Variants in TEX9 observed in about 807,000 individuals in gnomAD.
TEX9 encodes the protein testis expressed 9, also known as testis-expressed protein 9.
In TEX9, 74 loss-of-function variants were observed where a neutral mutation model predicts 59.6. The ratio of observed to expected loss-of-function variants is 1.24; its 90% confidence interval spans 1.03 to 1.51. TEX9 has a LOEUF of 1.51. Among genes scored for constraint, TEX9 ranks in the 40% most tolerant of loss-of-function variants. The probability of loss-of-function intolerance (pLI) is 0.00; values close to 1 mark genes in which losing one functional copy is unlikely to be tolerated. For synonymous variants in TEX9, 186 were observed against 152.2 expected (o/e 1.22, Z -1.64); for missense variants, 522 against 447.8 (o/e 1.17, Z -1.49).
At chr15:56,416,000 T>C (rs114286359) in intron 10 of TEX9, among the ~76,000 whole-genome samples, 8,918 of 151,774 alleles carry the variant, frequency 0.059, 705 homozygotes, top group East Asian at 0.37. Flanking sequence ...GGGGATGGGA[T>C]TGCTTTTCTG....
intron 3 of TEX9, among the ~76,000 whole-genome samples, chr15:56,380,302 C>G (rs1348885482): frequency 6.6e-6 from 1 of 152,130 alleles, no homozygotes; most frequent in East Asian, 1.9e-4. Flanking sequence ...AAAACTAATA[C>G]AAACTCTACA....
intron 1 of TEX9, among the ~76,000 whole-genome samples, chr15:56,275,123 A>C (rs1422781069): frequency 6.6e-6 from 1 of 151,638 alleles, no homozygotes; most frequent in Non-Finnish European, 1.5e-5. Flanking sequence ...TAATCCTTTC[A>C]CTCCAGTACT....
intron 12 of TEX9, chr15:56,443,861 A>G: frequency 8.9e-6 from 14 of 1,579,668 alleles, no homozygotes; most frequent in Non-Finnish European, 1.2e-5. Context: ...TTCCCTGAAA[A>G]GCAATAACAA....
intron 6 of TEX9, 57 bp downstream of exon 6, chr15:56,389,457 A>G: frequency 8.2e-7 from 1 of 1,217,432 alleles, no homozygotes; most frequent in Non-Finnish European, 1.2e-6. Context: ...TCACAATACC[A>G]TCATTCTTAA....
At chr15:56,375,656 G>A (rs1246653948) in intron 3 of TEX9, among the ~76,000 whole-genome samples, 4 of 152,086 alleles carry the variant, frequency 2.6e-5, no homozygotes, top group South Asian at 2.1e-4. Context: ...TAGGTGTAAC[G>A]TTTAAGTCTT....
rs899492635 is a variant in TEX9, at chr15:56,410,701, G to A, written c.829-1601G>A. On this transcript the variant is annotated intron_variant, in intron 9 of 12. Transcript: ENST00000352903. Reference sequence around the variant, plus strand: ...GGATAGGGGACATCATGTGGTACAGGATGGTTTTCATTTTCCTGTGAAATA... The same window carrying A: ...GGATAGGGGACATCATGTGGTACAGAATGGTTTTCATTTTCCTGTGAAATA... 2.0e-5 allele frequency among the ~76,000 whole-genome samples: 3 copies of A among 152,190 alleles called. No homozygotes were observed. The East Asian group carries it at 5.8e-4, about 29-fold the overall frequency.
chr15:56,401,969 C>T (rs111634438), intron 9 of TEX9, among the ~76,000 whole-genome samples: 1 of 152,130 alleles, frequency 6.6e-6, no homozygotes, highest in African/African-American at 2.4e-5. Context: ...ATCTCTGAGA[C>T]ACATTTAAAG....
At chr15:56,436,497 A>G (rs1049657239) in intron 12 of TEX9, among the ~76,000 whole-genome samples, 2 of 152,092 alleles carry the variant, frequency 1.3e-5, no homozygotes, top group South Asian at 2.1e-4. Context: ...GCCCACAAGA[A>G]AAATCAGGAA....
chr15:56,307,672 C>T (rs1181969656), intron 1 of TEX9, among the ~76,000 whole-genome samples: 1 of 152,138 alleles, frequency 6.6e-6, no homozygotes, highest in African/African-American at 2.4e-5. Context: ...TCACCAAGGT[C>T]TAATTTTAGG....
intron 2 of TEX9, among the ~76,000 whole-genome samples, chr15:56,368,419 G>A (rs4774854): frequency 0.3 from 45,625 of 151,866 alleles, 7,718 homozygotes; most frequent in Middle Eastern, 0.47. Flanking sequence ...TTTGATATCA[G>A]TATCATTCTG....
intron 1 of TEX9, among the ~76,000 whole-genome samples, chr15:56,331,494 G>C (rs1286475393): frequency 1.3e-5 from 2 of 151,888 alleles, no homozygotes; most frequent in Non-Finnish European, 2.9e-5. Flanking sequence ...ATCAATAAGA[G>C]GAAGAATTTT....
intron 10 of TEX9, among the ~76,000 whole-genome samples, chr15:56,412,649 T>C (rs907692684): frequency 1.3e-5 from 2 of 152,184 alleles, no homozygotes; most frequent in African/African-American, 4.8e-5. Flanking sequence ...GCACAACTCT[T>C]TGGAAGATTG....
intron 1 of TEX9, among the ~76,000 whole-genome samples, chr15:56,317,857 T>C (rs1317933543): frequency 6.6e-6 from 1 of 152,200 alleles, no homozygotes; most frequent in South Asian, 2.1e-4. Flanking sequence ...TTTTATTCAA[T>C]TTTTGTTGGA....
intron 2 of TEX9, 77 bp from the exon 3 acceptor site, chr15:56,373,364 A>G: frequency 1.5e-6 from 2 of 1,365,758 alleles, no homozygotes; most frequent in Non-Finnish European, 2.0e-6. Flanking sequence ...ACGTCACTTG[A>G]TAACGTGTAA....
intron 1 of TEX9, among the ~76,000 whole-genome samples, chr15:56,282,609 A>G (rs1158561885): frequency 6.6e-6 from 1 of 152,172 alleles, no homozygotes; most frequent in Non-Finnish European, 1.5e-5. Flanking sequence ...TGTGACTTTT[A>G]TTAAAACACT....
intron 1 of TEX9, among the ~76,000 whole-genome samples, chr15:56,345,739 A>C (rs1333802474): frequency 6.6e-6 from 1 of 152,258 alleles, no homozygotes; most frequent in Non-Finnish European, 1.5e-5. Flanking sequence ...AGTGTGACCC[A>C]GATTATGGTG....
At chr15:56,424,104 A>G (rs767167216) in intron 10 of TEX9, among the ~76,000 whole-genome samples, 2 of 152,120 alleles carry the variant, frequency 1.3e-5, no homozygotes, top group South Asian at 2.1e-4. Context: ...TACTTTTACT[A>G]TAGAGTAGTC....
At chr15:56,409,121 G>A (rs1050984954) in intron 9 of TEX9, among the ~76,000 whole-genome samples, 3 of 152,036 alleles carry the variant, frequency 2.0e-5, no homozygotes, top group African/African-American at 4.8e-5. Flanking sequence ...GCGTGAACCC[G>A]GGAGGCGGTG....
At position 56,373,749 on chromosome 15, in the gene TEX9, CTAAATTCTCATTA is replaced by C. The variant is rs1376597659; in HGVS notation, c.183+260_183+272del. 2.6e-5 allele frequency among the ~76,000 whole-genome samples: 4 copies of C among 152,236 alleles called. No homozygotes were observed. In the East Asian group the frequency reaches 5.8e-4, roughly 22 times the overall value. On this transcript the variant is annotated intron_variant, in intron 3 of 12. Coordinates refer to ENST00000352903, the Ensembl canonical transcript of TEX9. ...CTTTCCATTTAGATTCTCCAGTCATCTAAATTCTCATTATAAATTCTCATTATTAATTGATAGA... is the reference window on the plus strand; with the variant it reads ...CTTTCCATTTAGATTCTCCAGTCATCTAAATTCTCATTATTAATTGATAGA...
Sources: gnomAD v4.1 joint callset for allele counts (sites outside exome capture counted in the v4.1 genomes callset) on GRCh38, gnomAD v4.1.1 for gene constraint, MANE v1.5 for transcripts, NCBI Gene and HGNC (gene_info 2026-07-23, HGNC 2026-07-21) for gene names.